ADAM10: variants seen among roughly 807,000 people sequenced by gnomAD.
ADAM10 encodes the protein ADAM metallopeptidase domain 10.
A neutral mutation model predicts 90.1 loss-of-function variants in ADAM10; 17 were observed. The ratio of observed to expected loss-of-function variants is 0.19; its 90% CI spans 0.13 to 0.28. ADAM10 has a LOEUF of 0.28. Among genes scored for constraint, ADAM10 ranks in the 10% least tolerant of loss-of-function variants. ADAM10 has a pLI of 1.00. For missense variants in ADAM10, 610 were observed against 914.3 expected (o/e 0.67, Z 4.29); for synonymous variants, 310 against 298.6 (o/e 1.04, Z -0.40).
intron 1 of ADAM10, among the ~76,000 whole-genome samples, chr15:58,718,550 G>A (rs1419013204): frequency 2.0e-5 from 3 of 152,102 alleles, no homozygotes; most frequent in Non-Finnish European, 2.9e-5. Context: ...TGCTCAGTCT[G>A]GGGCTAATTA....
rs138697932 is a variant in ADAM10, at chr15:58,619,399, T to A, written c.1511+2072A>T. ...AACACATAGAAGGAATGAGCTCTAG[T>A]GTTTGATAGCACAGTAAAGTTACTA... is the stretch of plus-strand genomic sequence containing the variant. On this transcript the variant is annotated intron_variant, in intron 11 of 15. Transcript: ENST00000260408. 3.2e-3 allele frequency among the ~76,000 whole-genome samples: 494 copies of A among 152,272 alleles called. 8 individuals are homozygous for A. Among genetic ancestry groups the A allele is most frequent in the Middle Eastern group, 3.4e-3 (1 of 294 alleles).
chr15:58,704,795 G>A (rs1174235692), intron 2 of ADAM10, among the ~76,000 whole-genome samples: 2 of 152,172 alleles, frequency 1.3e-5, no homozygotes, highest in African/African-American at 2.4e-5. Context: ...GTACAAAGGA[G>A]ACACGATGAA....
chr15:58,603,378 C>T (rs1244000932), intron 14 of ADAM10, among the ~76,000 whole-genome samples: 1 of 152,178 alleles, frequency 6.6e-6, no homozygotes, highest in East Asian at 1.9e-4. Context: ...AGAGCCCCTT[C>T]AGTTACTCTG....
At chr15:58,698,827 T>C (rs1428774823) in intron 2 of ADAM10, among the ~76,000 whole-genome samples, 1 of 152,114 alleles carries the variant, frequency 6.6e-6, no homozygotes, top group East Asian at 1.9e-4. Flanking sequence ...ATTCAAATTT[T>C]CAGTGCCCCA....
At position 58,701,499 on chromosome 15, in the gene ADAM10, G is replaced by A. The variant is rs555707247; in HGVS notation, c.206+16078C>T. ...GATAATAAATAACAAATGCTGGCGA[G>A]AATGTGAAGCAACAGTAACTCTTCT... On this transcript the variant is annotated intron_variant, in intron 2 of 15. Coordinates refer to ENST00000260408, the MANE Select transcript of ADAM10 (RefSeq NM_001110.4). Among the ~76,000 whole-genome samples, 6 of 152,320 alleles carry A rather than the reference G, an allele frequency of 3.9e-5. No homozygotes were observed. The South Asian group carries it at 1.2e-3, about 32-fold the overall frequency.
intron 2 of ADAM10, among the ~76,000 whole-genome samples, chr15:58,706,658 G>T (rs1448318721): frequency 6.6e-6 from 1 of 152,126 alleles, no homozygotes; most frequent in African/African-American, 2.4e-5. Context: ...TGCAGAGGAG[G>T]AAGGGGGAAA....
At chr15:58,729,212 G>C (rs1260193373) in intron 1 of ADAM10, among the ~76,000 whole-genome samples, 1 of 152,014 alleles carries the variant, frequency 6.6e-6, no homozygotes, top group African/African-American at 2.4e-5. Flanking sequence ...AAAAAAGAAA[G>C]AAAAGAAAAT....
intron 7 of ADAM10, among the ~76,000 whole-genome samples, chr15:58,641,671 T>C (rs989646357): frequency 6.6e-6 from 1 of 152,216 alleles, no homozygotes; most frequent in Non-Finnish European, 1.5e-5. Flanking sequence ...ATACCAGACT[T>C]CTATTAAACA....
chr15:58,691,676 C>CTTCTTTTTTT (rs746349800), intron 2 of ADAM10: 1 of 196,354 alleles, frequency 5.1e-6, no homozygotes, highest in African/African-American at 4.5e-5. Flanking sequence ...ACTTCTTCTT[C>CTTCTTTTTTT]TTTTTTTTTT....
rs1180152204 is a variant in ADAM10, at chr15:58,749,546, G to A, written c.-12C>T. ...CTCAGCAACACCATCTTCCGCTGCC[G>A]CTGCCGCCGCCGCCGCCTCCTCACG... is the stretch of plus-strand genomic sequence containing the variant. On this transcript the variant is annotated 5_prime_UTR_variant, in exon 1 of 16. Coordinates refer to ENST00000260408, the MANE Select transcript of ADAM10 (RefSeq NM_001110.4). 3 of 1,551,226 alleles carry A rather than the reference G, an allele frequency of 1.9e-6. No homozygotes were observed. Among genetic ancestry groups the A allele is most frequent in the East Asian group, 2.5e-5 (1 of 40,754 alleles).
chr15:58,647,248 A>ATTTTTTTTTTTTTTTTTTTTTTTTTT lies in ADAM10; in HGVS notation c.586-1070_586-1045dup, dbSNP rs67378373. Among the ~76,000 whole-genome samples the ATTTTTTTTTTTTTTTTTTTTTTTTTT allele has an allele frequency of 8.7e-4, 52 of 59,600 alleles. 21 individuals are homozygous for ATTTTTTTTTTTTTTTTTTTTTTTTTT. The highest frequency in any genetic ancestry group is 1.2e-3 in the Non-Finnish European group (34 of 27,850). The allele number at this position is 59,600 out of a possible 152,430, so 39.1% of individuals were successfully genotyped here. A position where few individuals can be genotyped will look rare whatever the true frequency, so the allele number is the denominator to read the frequency against. Reference sequence around the variant, plus strand: ...TGGCAGCAAAGAGTAGACACTAAGTATTTTTTTTTTTTTTTTTTTTTTTTT... The same window carrying ATTTTTTTTTTTTTTTTTTTTTTTTTT: ...TGGCAGCAAAGAGTAGACACTAAGTATTTTTTTTTTTTTTTTTTTTTTTTTTTTTTTTTTTTTTTTTTTTTTTTTTT... On this transcript the variant is annotated intron_variant, in intron 5 of 15. Transcript: ENST00000260408.
At chr15:58,678,823 A>AG in intron 4 of ADAM10, among the ~76,000 whole-genome samples, 1 of 152,342 alleles carries the variant, frequency 6.6e-6, no homozygotes, top group South Asian at 2.1e-4. Flanking sequence ...TATTAGCATT[A>AG]CACAGACTGG....
chr15:58,716,768 G>A (rs1178432596), intron 2 of ADAM10, among the ~76,000 whole-genome samples: 1 of 152,114 alleles, frequency 6.6e-6, no homozygotes, highest in African/African-American at 2.4e-5. Context: ...ATTAGGAAGT[G>A]AACACTACAG....
rs767359932 is a variant in ADAM10, at chr15:58,627,691, T to C, written c.1360+9A>G. On this transcript the variant is annotated intron_variant, in intron 10 of 15. Coordinates refer to ENST00000260408, the MANE Select transcript of ADAM10 (RefSeq NM_001110.4). ...TGTTCATAACAAAACGTTAGGAAAA[T>C]ATACATACCAACAAAACAGTTGTTT... 15 of 1,610,004 alleles carry C rather than the reference T, an allele frequency of 9.3e-6. No homozygotes were observed. Among genetic ancestry groups the C allele is most frequent in the African/African-American group, 1.3e-5 (1 of 74,944 alleles).
intron 10 of ADAM10, among the ~76,000 whole-genome samples, chr15:58,622,557 T>G (rs1296188935): frequency 3.9e-5 from 6 of 152,222 alleles, no homozygotes; most frequent in African/African-American, 1.4e-4. Context: ...TAGGTAATTT[T>G]TTTTATGTAC....
chr15:58,691,277 A>G lies in ADAM10; in HGVS notation c.207-8963T>C, dbSNP rs752570080. 35 of 1,247,630 alleles carry G rather than the reference A, an allele frequency of 2.8e-5. No individual in the cohort carries two copies. The African/African-American group carries it at 5.0e-4, about 18-fold the overall frequency. The allele number at this position is 1,247,630 out of a possible 1,614,324, so 77.3% of individuals were successfully genotyped here. A position where few individuals can be genotyped will look rare whatever the true frequency, so the allele number is the denominator to read the frequency against. On this transcript the variant is annotated intron_variant, in intron 2 of 15. Coordinates refer to ENST00000260408, the MANE Select transcript of ADAM10 (RefSeq NM_001110.4). The stretch of plus-strand genomic sequence containing the variant: ...CCTCCTCATCCTCAGGTAGCTCCAG[A>G]CCCTCCTTGGTAACTGACAGCAGGC...
intron 2 of ADAM10, chr15:58,693,127 A>G (rs1897877438): frequency 1.4e-6 from 1 of 738,268 alleles, no homozygotes; most frequent in African/African-American, 1.7e-5. Context: ...GAGAGACATG[A>G]GTTGGGCAAT....
intron 2 of ADAM10, chr15:58,693,212 G>T (rs1897881031): frequency 6.1e-6 from 4 of 660,862 alleles, no homozygotes; most frequent in Admixed American, 5.8e-5. Flanking sequence ...AAAGGAAAAG[G>T]CTTACAAGTA....
chr15:58,696,299 CA>C (rs75253917), intron 2 of ADAM10, among the ~76,000 whole-genome samples: 2 of 149,508 alleles, frequency 1.3e-5, no homozygotes, highest in Non-Finnish European at 3.0e-5. Flanking sequence ...AAAACAACAA[CA>C]AAAAAAAACA....
Sources: allele counts gnomAD v4.1 joint callset (sites outside exome capture counted in the v4.1 genomes callset), GRCh38; gene constraint gnomAD v4.1.1; transcripts MANE v1.5; gene names NCBI Gene and HGNC (gene_info 2026-07-23, HGNC 2026-07-21).